Variants in CPLX2 observed in about 807,000 individuals in gnomAD.
The protein encoded by CPLX2 is complexin 2, also known as complexin-2.
Under a neutral mutation model 16.3 loss-of-function variants are expected in CPLX2, and 5 were observed. That is an observed-to-expected ratio of 0.31 (90% CI 0.16 to 0.64). CPLX2 has a LOEUF of 0.64. Among genes scored for constraint, CPLX2 ranks in the 30% least tolerant of loss-of-function variants. CPLX2 has a pLI of 0.79. For synonymous variants in CPLX2, 89 were observed against 73.2 expected (o/e 1.22, Z -1.10); for missense variants, 144 against 181.4 (o/e 0.79, Z 1.18).
chr5:175,878,858 C>G (rs755926994), intron 2 of CPLX2, 50 bp from the exon 3 acceptor site: 1 of 1,608,456 alleles, frequency 6.2e-7, no homozygotes, highest in East Asian at 2.2e-5. Context: ...CTCTCCCCAG[C>G]CCTGACCCCT....
chr5:175,861,381 G>A (rs1211167176), intron 2 of CPLX2, among the ~76,000 whole-genome samples: 1 of 152,220 alleles, frequency 6.6e-6, no homozygotes, highest in Non-Finnish European at 1.5e-5. Flanking sequence ...CACTATGTGG[G>A]AGAAGAGTTG....
At chr5:175,831,713 A>G (rs1040671191) in intron 2 of CPLX2, among the ~76,000 whole-genome samples, 1 of 152,212 alleles carries the variant, frequency 6.6e-6, no homozygotes, top group African/African-American at 2.4e-5. Context: ...ACAGCTCAGC[A>G]GGAGGTCAGA....
At chr5:175,807,240 CA>C (rs1758224070) in intron 1 of CPLX2, among the ~76,000 whole-genome samples, 1 of 152,250 alleles carries the variant, frequency 6.6e-6, no homozygotes, top group Admixed American at 6.5e-5. Context: ...AGACCCAAGT[CA>C]TCCCAACATG....
chr5:175,865,824 G>A (rs1248378871), intron 2 of CPLX2, among the ~76,000 whole-genome samples: 1 of 152,188 alleles, frequency 6.6e-6, no homozygotes, highest in African/African-American at 2.4e-5. Context: ...CAGAGATTTT[G>A]GTTTGTGCCA....
intron 2 of CPLX2, among the ~76,000 whole-genome samples, chr5:175,856,320 G>A (rs1759256923): frequency 3.9e-5 from 6 of 152,192 alleles, no homozygotes; most frequent in Admixed American, 3.9e-4. Context: ...CTTCTGTACA[G>A]TCCTCATCTA....
chr5:175,805,017 C>T (rs1438543887), intron 1 of CPLX2, among the ~76,000 whole-genome samples: 1 of 152,150 alleles, frequency 6.6e-6, no homozygotes, highest in Non-Finnish European at 1.5e-5. Flanking sequence ...TAGGTAGCTT[C>T]TATGGTTGTT....
chr5:175,866,151 G>T (rs1245820943), intron 2 of CPLX2, among the ~76,000 whole-genome samples: 1 of 152,218 alleles, frequency 6.6e-6, no homozygotes, highest in African/African-American at 2.4e-5. Context: ...CCTCTCGAGA[G>T]CATGGAAAGC....
rs1309381492 is a variant in CPLX2, at chr5:175,830,454, CAGAGG to C, written c.-89+21391_-89+21395del. ...CCCCCGGAGGTGCGTGATGCCCCCA[CAGAGG>C]AGAGTGAAGCGAGGCAGCCCTCCTT... On this transcript the variant is annotated intron_variant, in intron 2 of 4. Transcript: ENST00000359546. This position sits in a 1 kb window ranked among gnomAD's most constrained non-coding sequence, Gnocchi z 4.0. 2.0e-5 allele frequency among the ~76,000 whole-genome samples: 3 copies of C among 152,316 alleles called. No individual in the cohort carries two copies. In the East Asian group the frequency reaches 5.8e-4, roughly 29 times the overall value.
At chr5:175,825,664 C>T (rs1758598663) in intron 2 of CPLX2, among the ~76,000 whole-genome samples, 1 of 152,084 alleles carries the variant, frequency 6.6e-6, no homozygotes, top group Admixed American at 6.5e-5. Flanking sequence ...AGAGTCTCTG[C>T]CTGTAGCTTG....
At chr5:175,804,953 C>T (rs1561768088) in intron 1 of CPLX2, among the ~76,000 whole-genome samples, 1 of 152,206 alleles carries the variant, frequency 6.6e-6, no homozygotes, top group Non-Finnish European at 1.5e-5. Context: ...TCTTTCTATA[C>T]TTAACTGTAT....
At position 175,878,596 on chromosome 5, in the gene CPLX2, C is replaced by T. The variant is rs1755470521; in HGVS notation, c.-88-56C>T. The T allele has an allele frequency of 4.4e-6, 4 of 907,046 alleles. No homozygotes were observed. In the South Asian group the frequency reaches 6.3e-5, roughly 14 times the overall value. The allele number at this position is 907,046 out of a possible 1,614,324, so 56.2% of individuals were successfully genotyped here. A position where few individuals can be genotyped will look rare whatever the true frequency, so the allele number is the denominator to read the frequency against. On this transcript the variant is annotated intron_variant, in intron 1 of 3. Transcript: ENST00000393745. The stretch of plus-strand genomic sequence containing the variant: ...GGTGAGGCTGCTGTCTGCCTAGCTC[C>T]CCCGCCCTGCCTGTGCAGAGGCCTC...
At chr5:175,798,609 G>A (rs781349087) in intron 1 of CPLX2, among the ~76,000 whole-genome samples, 2 of 152,218 alleles carry the variant, frequency 1.3e-5, no homozygotes, top group Non-Finnish European at 2.9e-5. Flanking sequence ...CTGTGCCAGA[G>A]GGTCCTCAGG....
At chr5:175,831,664 C>T (rs1477919551) in intron 2 of CPLX2, among the ~76,000 whole-genome samples, 2 of 152,178 alleles carry the variant, frequency 1.3e-5, no homozygotes, top group Admixed American at 6.5e-5. Context: ...GCAGATATCC[C>T]AAGAGAGGCC....
rs1465870996 is a variant in CPLX2 at position 175,878,958 on chromosome 5, C to G, written c.82C>G (p.Pro28Ala). ...GCTGGGGGGAGAGGAGGAGAAGGAC[C>G]CCGACGCGCAGAAAAAGGAGGAGGA... ...KMLGGEEEKD[P>A]DAQKKEEERQ... Residue 28 changes from proline (P) to alanine (A), a missense_variant, in exon 3 of 4, where the codon CCC (proline) becomes GCC (alanine). Pro to Ala is a conservative substitution (Grantham distance 27). Transcript: ENST00000393745. 8.1e-6 allele frequency: 13 copies of G among 1,611,188 alleles called. No individual in the cohort carries two copies. The highest frequency in any genetic ancestry group is 1.0e-5 in the Non-Finnish European group (12 of 1,178,852).
chr5:175,819,615 C>G (rs1758471218), intron 2 of CPLX2, among the ~76,000 whole-genome samples: 1 of 152,202 alleles, frequency 6.6e-6, no homozygotes, highest in African/African-American at 2.4e-5. Flanking sequence ...TTATCTCTGG[C>G]AGCCAAGTGG....
intron 2 of CPLX2, among the ~76,000 whole-genome samples, chr5:175,819,769 T>A (rs1023185393): frequency 6.6e-6 from 1 of 152,166 alleles, no homozygotes; most frequent in African/African-American, 2.4e-5. Context: ...GTGTTATCAG[T>A]ATTTCACAGA....
At chr5:175,865,049 C>T (rs1759446767) in intron 2 of CPLX2, among the ~76,000 whole-genome samples, 1 of 150,366 alleles carries the variant, frequency 6.7e-6, no homozygotes, top group South Asian at 2.1e-4. Flanking sequence ...TCATCCAACC[C>T]TCCCCCAACC....
intron 1 of CPLX2, among the ~76,000 whole-genome samples, chr5:175,873,216 G>A (rs1759676624): frequency 6.6e-6 from 1 of 151,082 alleles, no homozygotes; most frequent in African/African-American, 2.4e-5. Flanking sequence ...TCAACTGCCG[G>A]CAACCTGCTG....
intron 2 of CPLX2, among the ~76,000 whole-genome samples, chr5:175,859,010 C>T (rs1759312841): frequency 6.6e-6 from 1 of 152,208 alleles, no homozygotes; most frequent in South Asian, 2.1e-4. Flanking sequence ...GATCTGATGG[C>T]ATCACAAGAC....
Sources: allele counts gnomAD v4.1 joint callset (sites outside exome capture counted in the v4.1 genomes callset), GRCh38; gene constraint gnomAD v4.1.1; non-coding constraint Gnocchi (gnomAD v3.1); transcripts MANE v1.5; gene names NCBI Gene and HGNC (gene_info 2026-07-23, HGNC 2026-07-21).